Variants in SLC6A16 observed in about 807,000 individuals in gnomAD.
SLC6A16 encodes the protein solute carrier family 6 member 16, also known as orphan sodium- and chloride-dependent neurotransmitter transporter NTT5.
In SLC6A16, 54 loss-of-function variants were observed where a neutral mutation model predicts 65.4. The observed-to-expected ratio is 0.83, with a 90% CI of 0.66 to 1.04. SLC6A16 has a LOEUF of 1.04. SLC6A16 is among the 50% of genes least tolerant of loss of function. The pLI, the probability that SLC6A16 is intolerant of heterozygous loss-of-function variation, is 0.00. For synonymous variants in SLC6A16, 330 were observed against 346.5 expected (o/e 0.95, Z 0.53); for missense variants, 816 against 914.0 (o/e 0.89, Z 1.38).
chr19:49,307,635 T>C (rs951496802), intron 7 of SLC6A16, among the ~76,000 whole-genome samples: 2 of 139,840 alleles, frequency 1.4e-5, no homozygotes, highest in African/African-American at 5.5e-5. Flanking sequence ...GTTCAAGACC[T>C]GCCTGAGCAA....
In SLC6A16 at chr19:49,293,170, T is replaced by A. The variant is rs1970110149; in HGVS notation, c.1778+53A>T. On this transcript the variant is annotated intron_variant, in intron 10 of 11. Transcript: ENST00000335875. ...GACAGTAGAGGCAACAAAAAAGGGG[T>A]CACCCTTCCCTATAGTCCCATGCTT... 6 of 1,572,756 alleles carry A rather than the reference T, an allele frequency of 3.8e-6. No homozygotes were observed. In the African/African-American group the frequency reaches 8.2e-5, roughly 21 times the overall value.
intron 7 of SLC6A16, among the ~76,000 whole-genome samples, chr19:49,307,671 T>C (rs1426431792): frequency 4.7e-5 from 2 of 42,828 alleles, no homozygotes; most frequent in African/African-American, 3.9e-4. Flanking sequence ...TTCTCAAAAA[T>C]TTAAATTAAA....
the SLC6A16 span, chr19:49,336,081 C>G: frequency 2.1e-6 from 1 of 473,462 alleles, no homozygotes; most frequent in East Asian, 3.5e-5. Context: ...AGAGGGGAAG[C>G]CCCTTGATGG....
At chr19:49,334,911 G>C in the SLC6A16 span, among the ~76,000 whole-genome samples, 2,660 of 152,042 alleles carry the variant, frequency 0.017, 74 homozygotes, top group African/African-American at 0.054. Flanking sequence ...ATAAAATAAA[G>C]AAACACAGAG....
chr19:49,312,533 C>A (rs1364684490), intron 1 of SLC6A16: 1 of 984,150 alleles, frequency 1.0e-6, no homozygotes, highest in East Asian at 1.1e-4. Context: ...GGGCTATTCT[C>A]CTCCTTATTC....
chr19:49,296,212 C>T (rs1568526205), intron 7 of SLC6A16, among the ~76,000 whole-genome samples: 1 of 152,150 alleles, frequency 6.6e-6, no homozygotes, highest in Non-Finnish European at 1.5e-5. Context: ...GTCTCAAACT[C>T]CGGACTTCAG....
the SLC6A16 span, chr19:49,338,952 G>C: frequency 6.2e-7 from 1 of 1,600,778 alleles, no homozygotes; most frequent in African/African-American, 1.3e-5. The surrounding 1 kb of genome is among the most constrained non-coding windows in gnomAD (Gnocchi z 5.0). Flanking sequence ...CAGGGGTTCG[G>C]AGCATAAACC....
chr19:49,293,785 G>C (rs779683154), intron 9 of SLC6A16, 42 bp downstream of exon 9: 40 of 1,555,918 alleles, frequency 2.6e-5, no homozygotes, highest in Non-Finnish European at 1.3e-5. Flanking sequence ...GTGGTGTCAG[G>C]GGTCAGGGTC....
At chr19:49,336,782 AG>A in the SLC6A16 span, 3 of 913,804 alleles carry the variant, frequency 3.3e-6, no homozygotes, top group East Asian at 7.5e-5. Context: ...AGGGTGGGGC[AG>A]GGACAGAGTC....
intron 7 of SLC6A16, among the ~76,000 whole-genome samples, chr19:49,294,787 CT>C (rs1970154040): frequency 6.6e-6 from 1 of 152,092 alleles, no homozygotes; most frequent in African/African-American, 2.4e-5. Flanking sequence ...TTTCTACAGT[CT>C]TCTTGGGGAC....
intron 1 of SLC6A16, among the ~76,000 whole-genome samples, chr19:49,318,045 C>T (rs574876221): frequency 6.6e-6 from 1 of 152,100 alleles, no homozygotes; most frequent in South Asian, 2.1e-4. Context: ...CTAGAATTAG[C>T]TGGGCTAAGT....
chr19:49,294,316 G>A lies in SLC6A16; in HGVS notation c.1416+51C>T, dbSNP rs759761740. The A allele has an allele frequency of 7.7e-6, 12 of 1,562,032 alleles. No homozygotes were observed. The Admixed American group carries it at 1.5e-4, about 19-fold the overall frequency. ...TAATAAAAGCTAAAATTTCTGTTGT[G>A]CTAAAGGCTTTCAGGAACTCTAGGC... is the stretch of plus-strand genomic sequence containing the variant. On this transcript the variant is annotated intron_variant, in intron 8 of 11. Transcript: ENST00000335875.
upstream of SLC6A16, chr19:49,325,328 G>C: frequency 1.3e-6 from 1 of 776,614 alleles, no homozygotes; most frequent in Non-Finnish European, 1.6e-6. Flanking sequence ...ACGCACGCAC[G>C]TGTGCACATC....
chr19:49,338,869 A>T, the SLC6A16 span: 873 of 1,614,112 alleles, frequency 5.4e-4, 6 homozygotes, highest in African/African-American at 0.011. The surrounding 1 kb of genome is among the most constrained non-coding windows in gnomAD (Gnocchi z 5.0). Context: ...AGGCTTGGAC[A>T]CCTGGCGCGG....
intron 1 of SLC6A16, among the ~76,000 whole-genome samples, chr19:49,314,105 AAAATCAT>A (rs1417601483): frequency 2.7e-4 from 30 of 112,546 alleles, no homozygotes; most frequent in African/African-American, 5.5e-4. Context: ...CAAAAAAAAA[AAAATCAT>A]AATCATAATC....
Position 49,296,850 on chromosome 19 carries a change from G to A in SLC6A16, c.1230-2297C>T, listed in dbSNP as rs1189606166. 3.9e-5 allele frequency among the ~76,000 whole-genome samples: 6 copies of A among 152,218 alleles called. No individual in the cohort carries two copies. The East Asian group carries it at 7.7e-4, about 20-fold the overall frequency. ...CTAAAAATACAAAAATTAGCCAAGC[G>A]TGATGGCGGGCGCCTGTAGTCCCAG... On this transcript the variant is annotated intron_variant, in intron 7 of 11. Coordinates refer to ENST00000335875, the MANE Select transcript of SLC6A16 (RefSeq NM_014037.3).
chr19:49,340,049 C>G, the SLC6A16 span: 61 of 1,501,286 alleles, frequency 4.1e-5, no homozygotes, highest in Non-Finnish European at 5.1e-5. Context: ...CCTCTACCCC[C>G]ACTTGTAGCA....
At chr19:49,339,713 G>A in the SLC6A16 span, 1 of 1,403,296 alleles carries the variant, frequency 7.1e-7, no homozygotes, top group Non-Finnish European at 9.2e-7. This position sits in a 1 kb window ranked among gnomAD's most constrained non-coding sequence, Gnocchi z 4.5. Context: ...CGCCGGAAAT[G>A]CGAGCCGCAC....
At chr19:49,330,375 G>C in the SLC6A16 span, among the ~76,000 whole-genome samples, 1 of 152,174 alleles carries the variant, frequency 6.6e-6, no homozygotes, top group Non-Finnish European at 1.5e-5. Context: ...AAATTGGTAA[G>C]TCAACAGTAT....
Sources: allele counts gnomAD v4.1 joint callset (sites outside exome capture counted in the v4.1 genomes callset), GRCh38; gene constraint gnomAD v4.1.1; non-coding constraint Gnocchi (gnomAD v3.1); transcripts MANE v1.5; gene names NCBI Gene and HGNC (gene_info 2026-07-23, HGNC 2026-07-21).